The following MYO18B variants were observed in gnomAD, a reference collection of about 807,000 sequenced individuals.
MYO18B encodes unconventional myosin-XVIIIb.
Under a neutral mutation model 273.0 loss-of-function variants are expected in MYO18B, and 204 were observed. That is an observed-to-expected ratio of 0.75 (90% CI 0.67 to 0.84). MYO18B has a LOEUF of 0.84. MYO18B is among the 40% of genes least tolerant of loss of function. The pLI is 0.00. For missense variants in MYO18B, 3,212 were observed against 3,287.6 expected (o/e 0.98, Z 0.56); for synonymous variants, 1,330 against 1,305.7 (o/e 1.02, Z -0.40).
chr22:25,784,959 G>T (rs1320387526), intron 10 of MYO18B, among the ~76,000 whole-genome samples: 1 of 152,198 alleles, frequency 6.6e-6, no homozygotes, highest in East Asian at 1.9e-4. Flanking sequence ...TTGCATGCTT[G>T]CTAGCTGTGA....
At chr22:26,055,753 A>G in the MYO18B span, among the ~76,000 whole-genome samples, 2 of 152,168 alleles carry the variant, frequency 1.3e-5, no homozygotes, top group Admixed American at 6.5e-5. Flanking sequence ...TGATTTTTTT[A>G]AAAGAGAGAG....
Position 25,883,767 on chromosome 22 carries a change from A to G in MYO18B, c.4314+5719A>G, listed in dbSNP as rs936973858. 2.6e-5 allele frequency: 4 copies of G among 152,178 alleles called. No homozygotes were observed. Among genetic ancestry groups the G allele is most frequent in the Non-Finnish European group, 5.9e-5 (4 of 68,028 alleles). The allele number at this position is 152,178 out of a possible 1,614,324, so 9.4% of individuals were successfully genotyped here. A position where few individuals can be genotyped will look rare whatever the true frequency, so the allele number is the denominator to read the frequency against. On this transcript the variant is annotated intron_variant, in intron 25 of 43. Coordinates refer to ENST00000335473, the MANE Select transcript of MYO18B (RefSeq NM_032608.7). This position sits in a 1 kb window ranked among gnomAD's most constrained non-coding sequence, Gnocchi z 7.6. The stretch of plus-strand genomic sequence containing the variant: ...GTCGTGTCTCGTCAGTGAAAACTCC[A>G]TTTGACTAGGCTTATTAAAAAGACA...
At chr22:26,043,033 G>T in the MYO18B span, among the ~76,000 whole-genome samples, 1 of 152,270 alleles carries the variant, frequency 6.6e-6, no homozygotes, top group Non-Finnish European at 1.5e-5. Context: ...ACCCTAGAAA[G>T]TTCCCTCATG....
At position 25,921,421 on chromosome 22, in the gene MYO18B, G is replaced by A. The variant is rs1409020295; in HGVS notation, c.5517+12G>A. ...AAGTGCACAGCCAGGTGGGTGTCAC[G>A]GGATCCCCTTGAGAATCAGGCTGGG... On this transcript the variant is annotated intron_variant, in intron 34 of 43. Coordinates refer to ENST00000335473, the MANE Select transcript of MYO18B (RefSeq NM_032608.7). The A allele has an allele frequency of 5.0e-6, 8 of 1,597,232 alleles. No individual in the cohort carries two copies. Among genetic ancestry groups the A allele is most frequent in the African/African-American group, 1.3e-5 (1 of 74,740 alleles).
chr22:26,042,577 A>G, the MYO18B span, among the ~76,000 whole-genome samples: 2 of 152,234 alleles, frequency 1.3e-5, no homozygotes, highest in Admixed American at 6.5e-5. Context: ...ATACATAGCT[A>G]TGAGTGTTAC....
At chr22:25,742,902 G>A (rs1212775620) in intron 1 of MYO18B, among the ~76,000 whole-genome samples, 1 of 152,234 alleles carries the variant, frequency 6.6e-6, no homozygotes, top group Non-Finnish European at 1.5e-5. Flanking sequence ...TGGCACCCCG[G>A]ATAGCAGGCA....
Position 25,772,583 on chromosome 22 carries a change from G to A in MYO18B, c.1869+73G>A. ...GGCCTGGGGGGATCCCTCTGCATCT[G>A]AGGTGACAGTAGAACCATCAGAGCC... On this transcript the variant is annotated intron_variant, in intron 7 of 43. Transcript: ENST00000335473. 4 of 1,450,714 alleles carry A rather than the reference G, an allele frequency of 2.8e-6. No individual in the cohort carries two copies. The African/African-American group carries it at 4.2e-5, about 15-fold the overall frequency. The allele number at this position is 1,450,714 out of a possible 1,614,324, so 89.9% of individuals were successfully genotyped here.
At chr22:26,008,900 T>C (rs1373078186) in intron 42 of MYO18B, among the ~76,000 whole-genome samples, 1 of 152,218 alleles carries the variant, frequency 6.6e-6, no homozygotes, top group Non-Finnish European at 1.5e-5. Flanking sequence ...TTGGGCTTCC[T>C]GAGCAGGGTC....
chr22:25,836,743 T>G (rs895817884), intron 17 of MYO18B, among the ~76,000 whole-genome samples: 9 of 151,974 alleles, frequency 5.9e-5, no homozygotes, highest in African/African-American at 2.2e-4. Flanking sequence ...GGTGGATCAC[T>G]TGAGGTCAGG....
At chr22:25,805,052 C>G (rs2088404236) in intron 12 of MYO18B, among the ~76,000 whole-genome samples, 1 of 152,156 alleles carries the variant, frequency 6.6e-6, no homozygotes, top group Non-Finnish European at 1.5e-5. Flanking sequence ...AGTATGGCCT[C>G]CCCTTTCCCT....
At chr22:26,020,959 T>G (rs1172356256) in intron 42 of MYO18B, among the ~76,000 whole-genome samples, 1 of 152,108 alleles carries the variant, frequency 6.6e-6, no homozygotes, top group Non-Finnish European at 1.5e-5. Context: ...CATGGTGGTG[T>G]GCACCTGTAA....
At chr22:26,010,548 T>C (rs1934829303) in intron 42 of MYO18B, among the ~76,000 whole-genome samples, 1 of 152,216 alleles carries the variant, frequency 6.6e-6, no homozygotes, top group South Asian at 2.1e-4. Context: ...AAATAGACTT[T>C]AATAATATTC....
At chr22:25,957,792 C>G (rs973908340) in intron 39 of MYO18B, among the ~76,000 whole-genome samples, 1 of 152,078 alleles carries the variant, frequency 6.6e-6, no homozygotes, top group Non-Finnish European at 1.5e-5. Flanking sequence ...TATGTGTGTC[C>G]CAAATATCCC....
chr22:25,973,871 C>T (rs940881781), intron 39 of MYO18B, among the ~76,000 whole-genome samples: 2 of 152,216 alleles, frequency 1.3e-5, no homozygotes, highest in African/African-American at 4.8e-5. Context: ...CTCATCATCA[C>T]ATCATTGTCA....
intron 32 of MYO18B, among the ~76,000 whole-genome samples, chr22:25,910,695 G>A (rs1482535565): frequency 6.6e-6 from 1 of 152,140 alleles, no homozygotes; most frequent in East Asian, 1.9e-4. Flanking sequence ...GGGGACCTGG[G>A]GGAGGGGGTT....
chr22:25,816,678 T>C (rs1033847340), intron 12 of MYO18B, among the ~76,000 whole-genome samples: 1 of 152,216 alleles, frequency 6.6e-6, no homozygotes, highest in African/African-American at 2.4e-5. Flanking sequence ...GTGAATTCTG[T>C]TCGTCATTCC....
chr22:25,854,342 T>C (rs561381678), intron 21 of MYO18B, among the ~76,000 whole-genome samples: 2 of 152,326 alleles, frequency 1.3e-5, no homozygotes, highest in South Asian at 4.1e-4. Context: ...TACAGAACCA[T>C]GAGCTAAGAC....
chr22:26,029,077 T>C (rs180719650), intron 43 of MYO18B, among the ~76,000 whole-genome samples: 1 of 152,276 alleles, frequency 6.6e-6, no homozygotes, highest in East Asian at 1.9e-4. Flanking sequence ...CAGGGCATAA[T>C]TGGGTTTCCA....
In MYO18B at chr22:26,027,364, G is replaced by A; in HGVS notation, c.7390G>A (p.Gly2464Arg). ...PTSLAGSAKGGQDGSQRSSIH... is the reference protein window; with the variant it reads ...PTSLAGSAKGRQDGSQRSSIH... ...CTCCTTGGCTGGATCAGCCAAAGGT[G>A]GGCAAGACGGTTCACAGCGTTCAAG... Residue 2464 changes from glycine (G) to arginine (R), a missense_variant, in exon 43 of 44, where the codon GGG (glycine) becomes AGG (arginine). By Grantham distance (125) the Gly-to-Arg change is moderately radical (BLOSUM62 -2). Coordinates refer to ENST00000335473, the MANE Select transcript of MYO18B (RefSeq NM_032608.7). The surrounding 1 kb of genome is among the most constrained non-coding windows in gnomAD (Gnocchi z 4.1). 1 of 1,613,996 alleles carries A rather than the reference G, an allele frequency of 6.2e-7. No homozygotes were observed. The highest frequency in any genetic ancestry group is 8.5e-7 in the Non-Finnish European group (1 of 1,179,892).
Sources: gnomAD v4.1 joint callset for allele counts (sites outside exome capture counted in the v4.1 genomes callset) on GRCh38, gnomAD v4.1.1 for gene constraint, Gnocchi (gnomAD v3.1) non-coding constraint, MANE v1.5 for transcripts, NCBI Gene and HGNC (gene_info 2026-07-23, HGNC 2026-07-21) for gene names.